The following RNF216 variants were observed in gnomAD, a reference collection of about 807,000 sequenced individuals.
The protein encoded by RNF216 is ring finger protein 216.
In RNF216, 72 loss-of-function variants were observed where a neutral mutation model predicts 110.8. That is an observed-to-expected ratio of 0.65 (90% CI 0.54 to 0.79). RNF216 has a LOEUF of 0.79. Among genes scored for constraint, RNF216 ranks in the 30% least tolerant of loss-of-function variants. RNF216 has a pLI of 0.00. For missense variants in RNF216, 1,342 were observed against 1,141.2 expected, an observed-to-expected ratio of 1.18 and a Z score of -2.54; for synonymous variants, 495 against 407.5, an observed-to-expected ratio of 1.21 and a Z score of -2.59.
At chr7:5,649,746 AG>A (rs1788272983) in intron 14 of RNF216, 1 of 152,264 alleles carries the variant, frequency 6.6e-6, no homozygotes, top group Non-Finnish European at 1.5e-5. Context: ...TGGCTTGTAC[AG>A]AAGAATGGCT....
intron 13 of RNF216, among the ~76,000 whole-genome samples, chr7:5,703,001 G>A (rs1474439101): frequency 1.3e-5 from 2 of 152,156 alleles, no homozygotes; most frequent in Non-Finnish European, 2.9e-5. Flanking sequence ...GTAAGGGAGC[G>A]TCCTTCTGCG....
chr7:5,624,179 C>T lies in RNF216; in HGVS notation c.2383-54G>A, dbSNP rs868517013. 98 of 1,497,764 alleles carry T rather than the reference C, an allele frequency of 6.5e-5. No individual in the cohort carries two copies. Among genetic ancestry groups the T allele is most frequent in the Middle Eastern group, 3.4e-4 (2 of 5,862 alleles). The allele number at this position is 1,497,764 out of a possible 1,614,324, so 92.8% of individuals were successfully genotyped here. A position where few individuals can be genotyped will look rare whatever the true frequency, so the allele number is the denominator to read the frequency against. On this transcript the variant is annotated intron_variant, in intron 15 of 16. Coordinates refer to ENST00000389902, the MANE Select transcript of RNF216 (RefSeq NM_207111.4). This position sits in a 1 kb window ranked among gnomAD's most constrained non-coding sequence, Gnocchi z 4.4. Reference sequence around the variant, plus strand: ...CCTGTAGCTTCATGCAGTGCTGAGGCCCCGTGGGACAGTGAGGAGGCCGCT... The same window carrying T: ...CCTGTAGCTTCATGCAGTGCTGAGGTCCCGTGGGACAGTGAGGAGGCCGCT...
chr7:5,714,058 A>C (rs541058578), intron 11 of RNF216, among the ~76,000 whole-genome samples: 1 of 152,188 alleles, frequency 6.6e-6, no homozygotes, highest in Non-Finnish European at 1.5e-5. Flanking sequence ...GCTGGAGTGC[A>C]GTGGTGCGAT....
At chr7:5,704,599 C>A (rs774328665) in intron 13 of RNF216, among the ~76,000 whole-genome samples, 9 of 152,208 alleles carry the variant, frequency 5.9e-5, no homozygotes, top group Non-Finnish European at 1.3e-4. Context: ...CTGACACATA[C>A]TTTTCAAACA....
chr7:5,693,666 A>G (rs531980175), intron 13 of RNF216, among the ~76,000 whole-genome samples: 6 of 152,292 alleles, frequency 3.9e-5, no homozygotes, highest in Admixed American at 2.0e-4. Context: ...AGGTCTTTTG[A>G]TAAGAGGAAA....
chr7:5,729,282 G>A, intron 7 of RNF216, 150 bp downstream of exon 7: 1 of 707,884 alleles, frequency 1.4e-6, no homozygotes. Context: ...CCGTCACGAT[G>A]AGCAAATACC....
intron 13 of RNF216, among the ~76,000 whole-genome samples, chr7:5,660,943 GTTTTT>G (rs1168463360): frequency 0.024 from 2,145 of 90,124 alleles, 15 homozygotes; most frequent in Non-Finnish European, 0.032. Context: ...GAAGCCTTAG[GTTTTT>G]TTTTTTTTTT....
intron 2 of RNF216, among the ~76,000 whole-genome samples, chr7:5,754,131 T>A (rs1795486143): frequency 6.8e-6 from 1 of 146,340 alleles, no homozygotes; most frequent in Non-Finnish European, 1.5e-5. Flanking sequence ...TGTGTGTGTG[T>A]GTGTGTGTGT....
In RNF216 at chr7:5,641,248, G is replaced by A. The variant is rs752972208; in HGVS notation, c.2288C>T (p.Ser763Phe). Reference protein sequence around the residue: ...GAQMCYLCRVSINGYDHFCQH... With the variant: ...GAQMCYLCRVFINGYDHFCQH... ...GCAGAAATGGTCATATCCATTAATAGAAACTCGACAGAGGTAGCACATCTG... is the reference window on the plus strand; with the variant it reads ...GCAGAAATGGTCATATCCATTAATAAAAACTCGACAGAGGTAGCACATCTG... The change falls in exon 15 of 17, where the codon TCT (serine) becomes TTT (phenylalanine). Residue 763 changes from serine to phenylalanine, a missense_variant. By Grantham distance (155) the Ser-to-Phe change is radical (BLOSUM62 -2). Transcript: ENST00000389902. 1 of 1,614,172 alleles carries A rather than the reference G, an allele frequency of 6.2e-7. No individual in the cohort carries two copies. Among genetic ancestry groups the A allele is most frequent in the Non-Finnish European group, 8.5e-7 (1 of 1,180,044 alleles).
chr7:5,723,433 G>A (rs1283662726), intron 8 of RNF216, among the ~76,000 whole-genome samples: 1 of 152,010 alleles, frequency 6.6e-6, no homozygotes, highest in Non-Finnish European at 1.5e-5. Context: ...GGATCACGAG[G>A]TCAGGAGATC....
chr7:5,678,418 G>T (rs1036494931), intron 13 of RNF216, among the ~76,000 whole-genome samples: 2 of 152,132 alleles, frequency 1.3e-5, no homozygotes, highest in Admixed American at 6.5e-5. Context: ...ACTGACCTAC[G>T]TTACCACCTC....
In RNF216 at chr7:5,721,160, A is replaced by G; in HGVS notation, c.1517T>C (p.Ile506Thr). The G allele has an allele frequency of 6.2e-7, 1 of 1,614,006 alleles. No homozygotes were observed. Among genetic ancestry groups the G allele is most frequent in the Non-Finnish European group, 8.5e-7 (1 of 1,179,942 alleles). ...TTCAAGAAAGAACATCCTCTTTTCT[A>G]TTTTTATGTCACCTAGAAGATATAC... ...DFKFEQGDIK[I>T]EKRMFFLENK... is the part of the protein sequence containing the mutation. Residue 506 changes from isoleucine (I) to threonine (T), a missense_variant, in exon 9 of 17, where the codon ATA (isoleucine) becomes ACA (threonine). Coordinates refer to ENST00000389902, the MANE Select transcript of RNF216 (RefSeq NM_207111.4).
At chr7:5,755,448 TCAC>T (rs1169923400) in intron 2 of RNF216, among the ~76,000 whole-genome samples, 3 of 152,234 alleles carry the variant, frequency 2.0e-5, no homozygotes, top group Non-Finnish European at 4.4e-5. Context: ...CTGTGTATAA[TCAC>T]CACCACAAGG....
intron 13 of RNF216, among the ~76,000 whole-genome samples, chr7:5,698,384 T>TACACACACAC (rs376096873): frequency 0.049 from 7,175 of 145,286 alleles, 203 homozygotes; most frequent in East Asian, 0.079. Context: ...GATTCTTTTA[T>TACACACACAC]ACACACACAC....
intron 1 of RNF216, among the ~76,000 whole-genome samples, chr7:5,778,747 ATT>A (rs1796914283): frequency 1.7e-5 from 1 of 57,736 alleles, no homozygotes; most frequent in Non-Finnish European, 4.9e-5. Context: ...TTTTTTTAAA[ATT>A]ATTATTATTT....
chr7:5,730,448 T>C (rs1008309965), intron 6 of RNF216, among the ~76,000 whole-genome samples: 8 of 152,220 alleles, frequency 5.3e-5, no homozygotes, highest in Admixed American at 1.3e-4. Flanking sequence ...ATTAAAGATA[T>C]GGAGAATTCG....
chr7:5,709,930 A>T (rs1014523286), intron 13 of RNF216, among the ~76,000 whole-genome samples: 11 of 151,910 alleles, frequency 7.2e-5, no homozygotes, highest in South Asian at 2.1e-4. Flanking sequence ...GAGTTTTAAA[A>T]TTTTTTTTGT....
chr7:5,704,268 G>A (rs1285970362), intron 13 of RNF216, among the ~76,000 whole-genome samples: 1 of 152,100 alleles, frequency 6.6e-6, no homozygotes, highest in African/African-American at 2.4e-5. Context: ...ATTTCAGAGC[G>A]ACAAGTTCCT....
chr7:5,724,674 A>C (rs955079153), intron 8 of RNF216, among the ~76,000 whole-genome samples: 1 of 152,198 alleles, frequency 6.6e-6, no homozygotes, highest in African/African-American at 2.4e-5. Flanking sequence ...TAGTTACCTG[A>C]GTTTCCACTT....
Sources: gnomAD v4.1 joint callset for allele counts (sites outside exome capture counted in the v4.1 genomes callset) on GRCh38, gnomAD v4.1.1 for gene constraint, Gnocchi (gnomAD v3.1) non-coding constraint, MANE v1.5 for transcripts, NCBI Gene and HGNC (gene_info 2026-07-23, HGNC 2026-07-21) for gene names.